The following ATXN7L1 variants were observed in gnomAD, a reference collection of about 807,000 sequenced individuals.
The protein encoded by ATXN7L1 is ataxin 7 like 1.
A neutral mutation model predicts 70.8 loss-of-function variants in ATXN7L1; 15 were observed. That is an observed-to-expected ratio of 0.21 (90% CI 0.14 to 0.33). The LOEUF (loss-of-function observed/expected upper bound fraction) is 0.33. ATXN7L1 is among the 10% of genes least tolerant of loss of function. The pLI, the probability that ATXN7L1 is intolerant of heterozygous loss-of-function variation, is 1.00. For missense variants in ATXN7L1, 975 were observed against 1,097.1 expected (o/e 0.89, Z 1.57); for synonymous variants, 440 against 445.1 (o/e 0.99, Z 0.14).
intron 3 of ATXN7L1, among the ~76,000 whole-genome samples, chr7:105,744,459 G>T (rs552247240): frequency 6.6e-6 from 1 of 152,122 alleles, no homozygotes; most frequent in Non-Finnish European, 1.5e-5. Flanking sequence ...TTTCTGAGCT[G>T]CCCAGTCCCC....
Position 105,733,593 on chromosome 7 carries a change from TCCATCCATCCAC to T in ATXN7L1, c.355+54999_355+55010del, listed in dbSNP as rs1563048853. Among the ~76,000 whole-genome samples the T allele has an allele frequency of 2.1e-4, 26 of 122,346 alleles. 1 individual carries two copies. Among genetic ancestry groups the T allele is most frequent in the South Asian group, 2.8e-4 (1 of 3,516 alleles). The allele number at this position is 122,346 out of a possible 152,430, so 80.3% of individuals were successfully genotyped here. On this transcript the variant is annotated intron_variant, in intron 3 of 11. Coordinates refer to ENST00000419735, the MANE Select transcript of ATXN7L1 (RefSeq NM_020725.2). ...TTCCATCCATCCACCCATCCATCCATCCATCCATCCACCCATCCATCCATCCATCCATCCATC... is the reference window on the plus strand; with the variant it reads ...TTCCATCCATCCACCCATCCATCCATCCATCCATCCATCCATCCATCCATC...
intron 3 of ATXN7L1, among the ~76,000 whole-genome samples, chr7:105,723,722 C>T (rs554754815): frequency 5.9e-5 from 9 of 152,144 alleles, no homozygotes; most frequent in Admixed American, 2.0e-4. Flanking sequence ...GTGAAGGCAG[C>T]GGAGCGAGGT....
chr7:105,763,744 A>C (rs1800856876), intron 3 of ATXN7L1, among the ~76,000 whole-genome samples: 1 of 152,168 alleles, frequency 6.6e-6, no homozygotes, highest in Non-Finnish European at 1.5e-5. Flanking sequence ...ACTTCACCCC[A>C]ACCAGCTGTG....
intron 2 of ATXN7L1, among the ~76,000 whole-genome samples, chr7:105,861,650 T>C (rs1420563402): frequency 6.6e-6 from 1 of 151,938 alleles, no homozygotes; most frequent in Non-Finnish European, 1.5e-5. Flanking sequence ...GCTGCAGGCA[T>C]GTCAGAATCG....
chr7:105,790,654 C>CTATCATCTACT (rs71155479), intron 2 of ATXN7L1, among the ~76,000 whole-genome samples: 2 of 104,954 alleles, frequency 1.9e-5, no homozygotes, highest in South Asian at 7.1e-4. Context: ...ATCTATCTAT[C>CTATCATCTACT]ATCTATCTAC....
intron 2 of ATXN7L1, 21 bp from the exon 3 acceptor site, chr7:105,788,729 A>G: frequency 6.4e-7 from 1 of 1,571,706 alleles, no homozygotes; most frequent in Non-Finnish European, 8.8e-7. Flanking sequence ...AATGAAAACA[A>G]GTGTGTTTTG....
chr7:105,784,338 T>A (rs1803956681), intron 3 of ATXN7L1, among the ~76,000 whole-genome samples: 1 of 152,146 alleles, frequency 6.6e-6, no homozygotes, highest in African/African-American at 2.4e-5. Context: ...AGAATCCCCT[T>A]GGTATGGAAA....
chr7:105,835,480 GT>G (rs1341872472), intron 2 of ATXN7L1, among the ~76,000 whole-genome samples: 2 of 151,288 alleles, frequency 1.3e-5, no homozygotes, highest in African/African-American at 4.9e-5. Flanking sequence ...AAAAAAAAAA[GT>G]TTCCGGAGGT....
chr7:105,802,993 G>A (rs1465169088), intron 2 of ATXN7L1, among the ~76,000 whole-genome samples: 2 of 152,214 alleles, frequency 1.3e-5, no homozygotes, highest in African/African-American at 4.8e-5. Context: ...TTCTAGAAGG[G>A]TCAAATGCCC....
intron 9 of ATXN7L1, among the ~76,000 whole-genome samples, chr7:105,618,412 G>A (rs1794241214): frequency 6.6e-6 from 1 of 152,168 alleles, no homozygotes. Context: ...AGCTTCTCTT[G>A]TGGCCCTTAC....
At chr7:105,744,983 C>CT (rs1798421847) in intron 3 of ATXN7L1, among the ~76,000 whole-genome samples, 1 of 152,112 alleles carries the variant, frequency 6.6e-6, no homozygotes, top group African/African-American at 2.4e-5. Context: ...GGTGATCCAT[C>CT]TGCCTTAGCC....
intron 2 of ATXN7L1, among the ~76,000 whole-genome samples, chr7:105,834,267 C>A (rs992298881): frequency 6.6e-6 from 1 of 152,180 alleles, no homozygotes; most frequent in Non-Finnish European, 1.5e-5. Flanking sequence ...GTCTTGAACT[C>A]CTGACCTCAG....
chr7:105,700,008 T>C (rs1792228165), intron 3 of ATXN7L1, among the ~76,000 whole-genome samples: 1 of 152,126 alleles, frequency 6.6e-6, no homozygotes, highest in Non-Finnish European at 1.5e-5. Context: ...CCCTGGACCA[T>C]GGCGTGGAGC....
chr7:105,823,084 G>T (rs1810387026), intron 2 of ATXN7L1, among the ~76,000 whole-genome samples: 1 of 151,638 alleles, frequency 6.6e-6, no homozygotes, highest in South Asian at 2.1e-4. Context: ...TACATCCTCT[G>T]GCCCTTTATC....
chr7:105,730,940 G>A (rs1423680021), intron 3 of ATXN7L1, among the ~76,000 whole-genome samples: 3 of 152,134 alleles, frequency 2.0e-5, no homozygotes, highest in Non-Finnish European at 4.4e-5. Context: ...TTAATTATAG[G>A]GGAAACCAGG....
At chr7:105,613,675 T>C (rs1422264065) in intron 10 of ATXN7L1, 187 bp downstream of exon 10, 1 of 1,453,906 alleles carries the variant, frequency 6.9e-7, no homozygotes, top group Non-Finnish European at 9.1e-7. Flanking sequence ...TAGCACATAG[T>C]GAGCGTGGTA....
At chr7:105,789,509 C>T (rs1215679675) in intron 2 of ATXN7L1, among the ~76,000 whole-genome samples, 1 of 152,140 alleles carries the variant, frequency 6.6e-6, no homozygotes, top group Admixed American at 6.5e-5. Context: ...GAGAATGCTT[C>T]CCTGAGGAGG....
chr7:105,613,379 C>T lies in ATXN7L1; in HGVS notation c.2472+483G>A, dbSNP rs369996358. ...CAATCACCCGGGAGCCGGGCACAGG[C>T]GCTCCCACTCCCAGGTGGGACCCTG... On this transcript the variant is annotated intron_variant, in intron 10 of 11. Coordinates refer to ENST00000419735, the MANE Select transcript of ATXN7L1 (RefSeq NM_020725.2). 2.9e-4 allele frequency: 171 copies of T among 594,086 alleles called. 1 individual carries two copies. The highest frequency in any genetic ancestry group is 1.5e-3 in the South Asian group (21 of 13,978). The allele number at this position is 594,086 out of a possible 1,614,324, so 36.8% of individuals were successfully genotyped here. A position where few individuals can be genotyped will look rare whatever the true frequency, so the allele number is the denominator to read the frequency against.
intron 4 of ATXN7L1, among the ~76,000 whole-genome samples, chr7:105,650,710 A>C (rs1799709172): frequency 6.6e-6 from 1 of 152,246 alleles, no homozygotes; most frequent in Non-Finnish European, 1.5e-5. Flanking sequence ...ATGATGGGCC[A>C]AGACTTTGCT....
Sources: gnomAD v4.1 joint callset for allele counts (sites outside exome capture counted in the v4.1 genomes callset) on GRCh38, gnomAD v4.1.1 for gene constraint, MANE v1.5 for transcripts, NCBI Gene and HGNC (gene_info 2026-07-23, HGNC 2026-07-21) for gene names.